The following CSMD1 variants were observed in gnomAD, a reference collection of about 807,000 sequenced individuals.
The protein encoded by CSMD1 is CUB and Sushi multiple domains 1, also known as CUB and sushi domain-containing protein 1.
Under a neutral mutation model 417.5 loss-of-function variants are expected in CSMD1, and 213 were observed. The ratio of observed to expected loss-of-function variants is 0.51; its 90% CI spans 0.46 to 0.57. The LOEUF is 0.57. Ranked by LOEUF, CSMD1 falls within the 20% of genes least tolerant of loss-of-function variation. The pLI is 0.00. For missense variants in CSMD1, 6,923 were observed against 4,529.7 expected (o/e 1.53, Z -15.17); for synonymous variants, 2,862 against 1,736.8 (o/e 1.65, Z -16.11).
intron 5 of CSMD1, among the ~76,000 whole-genome samples, chr8:3,869,181 C>T (rs757325721): frequency 1.1e-4 from 17 of 152,144 alleles, no homozygotes; most frequent in Non-Finnish European, 2.2e-4. Context: ...TGTGCTGCAC[C>T]CTGAGGCTTC....
At chr8:3,936,300 G>A (rs1810487372) in intron 5 of CSMD1, among the ~76,000 whole-genome samples, 1 of 152,166 alleles carries the variant, frequency 6.6e-6, no homozygotes, top group Non-Finnish European at 1.5e-5. Flanking sequence ...GACGAAGGTG[G>A]CTACACTAAA....
intron 3 of CSMD1, among the ~76,000 whole-genome samples, chr8:4,201,185 T>C (rs1193632367): frequency 6.6e-6 from 1 of 152,188 alleles, no homozygotes; most frequent in East Asian, 1.9e-4. Flanking sequence ...CTGTTGTGTA[T>C]GCAGAGGAGG....
At chr8:3,965,454 G>C (rs1219359610) in intron 5 of CSMD1, among the ~76,000 whole-genome samples, 2 of 152,244 alleles carry the variant, frequency 1.3e-5, no homozygotes, top group African/African-American at 4.8e-5. Context: ...TTTATGCGTA[G>C]AATTCTCTGT....
At chr8:3,423,972 T>A (rs371927947) in intron 12 of CSMD1, among the ~76,000 whole-genome samples, 14 of 152,296 alleles carry the variant, frequency 9.2e-5, no homozygotes, top group African/African-American at 3.4e-4. Context: ...CAGAAAAGAT[T>A]CACAGTACCA....
At chr8:3,384,553 T>C (rs934510040) in intron 18 of CSMD1, among the ~76,000 whole-genome samples, 2 of 150,544 alleles carry the variant, frequency 1.3e-5, no homozygotes, top group African/African-American at 2.4e-5. Context: ...TCCTTCCTTA[T>C]TATTCTCAAA....
In CSMD1 at chr8:3,984,018, T is replaced by C. The variant is rs184662625; in HGVS notation, c.818+13885A>G. Among the ~76,000 whole-genome samples the C allele has an allele frequency of 8.0e-4, 119 of 148,362 alleles. 1 individual carries two copies. Among genetic ancestry groups the C allele is most frequent in the South Asian group, 6.6e-3 (31 of 4,672 alleles). On this transcript the variant is annotated intron_variant, in intron 5 of 69. Transcript: ENST00000635120. ...AGGGCAGATCTGATGGGGCTGTCAATTGCAGCTCTAGAGCACACGGCAGAT... is the reference window on the plus strand; with the variant it reads ...AGGGCAGATCTGATGGGGCTGTCAACTGCAGCTCTAGAGCACACGGCAGAT...
chr8:4,354,301 T>G (rs1801269874), intron 3 of CSMD1, among the ~76,000 whole-genome samples: 1 of 152,170 alleles, frequency 6.6e-6, no homozygotes, highest in Admixed American at 6.5e-5. Flanking sequence ...TCAGTATTAT[T>G]AAGGCGATGA....
At position 3,817,252 on chromosome 8, in the gene CSMD1, C is replaced by CTTTTTTTTTTTTTTTTTTTTTT. The variant is rs767668610; in HGVS notation, c.819-63232_819-63211dup. Among the ~76,000 whole-genome samples the CTTTTTTTTTTTTTTTTTTTTTT allele has an allele frequency of 7.4e-5, 4 of 54,390 alleles. 2 individuals carry two copies. The highest frequency in any genetic ancestry group is 1.4e-3 in the East Asian group (2 of 1,426). 35.7% of individuals were successfully genotyped at this position (54,390 alleles called of 152,430 possible). On this transcript the variant is annotated intron_variant, in intron 5 of 69. Transcript: ENST00000635120. ...TCCAAAGTGGTCATATCTTCTTCTT[C>CTTTTTTTTTTTTTTTTTTTTTT]TTTTTTTTTTTTTTTTTTTTTTTTT...
intron 3 of CSMD1, among the ~76,000 whole-genome samples, chr8:4,280,972 G>C (rs1585150644): frequency 6.6e-6 from 1 of 152,158 alleles, no homozygotes; most frequent in South Asian, 2.1e-4. Flanking sequence ...AAGTTTCCCA[G>C]TAATAGAATA....
intron 1 of CSMD1, among the ~76,000 whole-genome samples, chr8:4,760,677 T>C (rs1006037656): frequency 1.3e-5 from 2 of 152,224 alleles, no homozygotes; most frequent in Non-Finnish European, 2.9e-5. Context: ...GTCTATTTCC[T>C]TTGTTCATAT....
chr8:4,156,860 C>G (rs185284066), intron 3 of CSMD1, among the ~76,000 whole-genome samples: 2 of 152,286 alleles, frequency 1.3e-5, no homozygotes, highest in South Asian at 2.1e-4. Context: ...TTTAATTTAT[C>G]TGAGCTTAAG....
chr8:4,595,467 T>G (rs1212552524), intron 2 of CSMD1, among the ~76,000 whole-genome samples: 3 of 151,896 alleles, frequency 2.0e-5, no homozygotes, highest in East Asian at 2.0e-4. Context: ...GTTCTGGTTC[T>G]GTGGCTTCCT....
chr8:4,258,730 C>A (rs886513042), intron 3 of CSMD1, among the ~76,000 whole-genome samples: 1 of 151,968 alleles, frequency 6.6e-6, no homozygotes, highest in African/African-American at 2.4e-5. Context: ...TGGAACACAG[C>A]AATGTATGAG....
At chr8:3,397,353 C>T (rs138827453) in intron 16 of CSMD1, among the ~76,000 whole-genome samples, 78 of 152,224 alleles carry the variant, frequency 5.1e-4, no homozygotes, top group Non-Finnish European at 8.8e-5. Context: ...AGCCTCATGG[C>T]GTGTAGCAAC....
At chr8:4,759,791 G>A (rs769865459) in intron 1 of CSMD1, among the ~76,000 whole-genome samples, 1 of 152,140 alleles carries the variant, frequency 6.6e-6, no homozygotes, top group Non-Finnish European at 1.5e-5. Context: ...ATATGTACCA[G>A]TTTCTTTATC....
At chr8:3,915,920 G>T (rs1169612141) in intron 5 of CSMD1, among the ~76,000 whole-genome samples, 2 of 150,548 alleles carry the variant, frequency 1.3e-5, no homozygotes, top group African/African-American at 4.9e-5. Context: ...AGTTATCTGA[G>T]GCAGACCTAC....
intron 23 of CSMD1, among the ~76,000 whole-genome samples, chr8:3,311,122 C>T (rs1331313985): frequency 2.0e-5 from 3 of 152,150 alleles, no homozygotes; most frequent in Admixed American, 6.6e-5. Flanking sequence ...GTCTTAAATT[C>T]ACCTAGCTTA....
chr8:3,786,126 GA>G (rs1007437296), intron 5 of CSMD1, among the ~76,000 whole-genome samples: 1 of 152,110 alleles, frequency 6.6e-6, no homozygotes, highest in Non-Finnish European at 1.5e-5. Context: ...AAATAGAGGT[GA>G]GGCTGCTTAG....
chr8:4,071,247 C>G (rs1246440568), intron 3 of CSMD1, among the ~76,000 whole-genome samples: 2 of 151,986 alleles, frequency 1.3e-5, no homozygotes, highest in Non-Finnish European at 2.9e-5. Context: ...GATATTGTCC[C>G]AAAGAAGCCT....
Sources: gnomAD v4.1 joint callset for allele counts (sites outside exome capture counted in the v4.1 genomes callset) on GRCh38, gnomAD v4.1.1 for gene constraint, MANE v1.5 for transcripts, NCBI Gene and HGNC (gene_info 2026-07-23, HGNC 2026-07-21) for gene names.